The following CSMD1 variants were observed in gnomAD, a reference collection of about 807,000 sequenced individuals.
CSMD1 encodes the protein CUB and Sushi multiple domains 1.
In CSMD1, 213 loss-of-function variants were observed where a neutral mutation model predicts 417.5. The observed-to-expected ratio is 0.51, with a 90% CI of 0.46 to 0.57. The LOEUF is 0.57. Ranked by LOEUF, CSMD1 falls within the 20% of genes least tolerant of loss-of-function variation. The pLI is 0.00. For missense variants in CSMD1, 6,923 were observed against 4,529.7 expected (o/e 1.53, Z -15.17); for synonymous variants, 2,862 against 1,736.8 (o/e 1.65, Z -16.11).
chr8:4,661,338 A>G (rs1329647694), intron 1 of CSMD1, among the ~76,000 whole-genome samples: 1 of 152,222 alleles, frequency 6.6e-6, no homozygotes, highest in Non-Finnish European at 1.5e-5. Context: ...TACATGCCAT[A>G]TACTGGATAC....
At chr8:4,277,488 T>C (rs907944655) in intron 3 of CSMD1, among the ~76,000 whole-genome samples, 34 of 152,182 alleles carry the variant, frequency 2.2e-4, no homozygotes, top group African/African-American at 8.0e-4. Flanking sequence ...TAAAAAAGCA[T>C]ATTCTCATTG....
intron 1 of CSMD1, among the ~76,000 whole-genome samples, chr8:4,837,096 G>A (rs1800540028): frequency 6.6e-6 from 1 of 151,734 alleles, no homozygotes; most frequent in Admixed American, 6.6e-5. Flanking sequence ...ATTAATGAGG[G>A]CTTCACTAAG....
chr8:3,951,671 A>C (rs368177062), intron 5 of CSMD1, among the ~76,000 whole-genome samples: 5 of 152,354 alleles, frequency 3.3e-5, no homozygotes, highest in East Asian at 1.9e-4. Context: ...ATTAAAAAAT[A>C]AACATTTGCA....
intron 1 of CSMD1, among the ~76,000 whole-genome samples, chr8:4,666,851 T>C (rs1804968254): frequency 6.6e-6 from 1 of 152,182 alleles, no homozygotes; most frequent in Admixed American, 6.5e-5. Context: ...TTTATAATTT[T>C]GATGAAGTCT....
At chr8:4,286,142 C>T (rs777291245) in intron 3 of CSMD1, among the ~76,000 whole-genome samples, 4 of 152,006 alleles carry the variant, frequency 2.6e-5, no homozygotes, top group African/African-American at 9.7e-5. Flanking sequence ...AACGTTTTTA[C>T]GTTCTTTCTG....
chr8:4,404,666 T>C lies in CSMD1; in HGVS notation c.415+15287A>G, dbSNP rs370556571. Among the ~76,000 whole-genome samples, 12 of 152,206 alleles carry C rather than the reference T, an allele frequency of 7.9e-5. No homozygotes were observed. The South Asian group carries it at 2.1e-3, about 26-fold the overall frequency. Reference sequence around the variant, plus strand: ...ATATTAAATCCATTAATATTTATCTTACACTATATTAAACTTATGTTTATA... The same window carrying C: ...ATATTAAATCCATTAATATTTATCTCACACTATATTAAACTTATGTTTATA... On this transcript the variant is annotated intron_variant, in intron 3 of 69. Transcript: ENST00000635120.
intron 8 of CSMD1, among the ~76,000 whole-genome samples, chr8:3,595,273 G>C (rs1209800145): frequency 1.3e-5 from 2 of 152,170 alleles, no homozygotes; most frequent in African/African-American, 4.8e-5. Context: ...GTCCCATTGT[G>C]TGACTTGCTC....
At chr8:3,445,990 G>T (rs1168076274) in intron 12 of CSMD1, among the ~76,000 whole-genome samples, 1 of 152,110 alleles carries the variant, frequency 6.6e-6, no homozygotes, top group Non-Finnish European at 1.5e-5. Context: ...GAGGGAGAAG[G>T]GAATGTAATG....
chr8:4,947,983 A>G (rs1275696842), intron 1 of CSMD1, among the ~76,000 whole-genome samples: 1 of 152,054 alleles, frequency 6.6e-6, no homozygotes, highest in Non-Finnish European at 1.5e-5. Context: ...CCATAAAAAA[A>G]TCTGCTGTAT....
At chr8:4,540,273 T>C (rs1797314723) in intron 2 of CSMD1, among the ~76,000 whole-genome samples, 1 of 152,122 alleles carries the variant, frequency 6.6e-6, no homozygotes, top group South Asian at 2.1e-4. Flanking sequence ...TAAGGAAAGA[T>C]TTCTGCCCAT....
intron 5 of CSMD1, among the ~76,000 whole-genome samples, chr8:3,823,558 T>A (rs1020416199): frequency 3.3e-5 from 5 of 152,082 alleles, no homozygotes; most frequent in East Asian, 1.9e-4. Context: ...AAATAAAAAA[T>A]TTACAATTAT....
At chr8:3,742,176 T>C (rs1310788179) in intron 6 of CSMD1, among the ~76,000 whole-genome samples, 1 of 152,162 alleles carries the variant, frequency 6.6e-6, no homozygotes, top group East Asian at 1.9e-4. Context: ...GTGAGTCTTC[T>C]ATAGCCCACC....
intron 1 of CSMD1, among the ~76,000 whole-genome samples, chr8:4,836,254 A>G (rs1800483756): frequency 1.3e-5 from 2 of 152,210 alleles, no homozygotes; most frequent in African/African-American, 4.8e-5. Flanking sequence ...CTCATTTTTC[A>G]AATTATAACG....
chr8:4,564,218 C>A (rs574955900), intron 2 of CSMD1, among the ~76,000 whole-genome samples: 1 of 152,180 alleles, frequency 6.6e-6, no homozygotes, highest in Non-Finnish European at 1.5e-5. Flanking sequence ...TTCCCCTGGA[C>A]ATGCACAAGG....
At chr8:4,122,432 C>A (rs113431679) in intron 3 of CSMD1, among the ~76,000 whole-genome samples, 1 of 152,170 alleles carries the variant, frequency 6.6e-6, no homozygotes, top group Non-Finnish European at 1.5e-5. Flanking sequence ...AAACCTCTGA[C>A]GCAGTTAGCA....
At chr8:4,252,131 A>C (rs1367577382) in intron 3 of CSMD1, among the ~76,000 whole-genome samples, 1 of 152,156 alleles carries the variant, frequency 6.6e-6, no homozygotes, top group East Asian at 1.9e-4. Context: ...GAAACACACA[A>C]TTTCAGTTTT....
intron 3 of CSMD1, among the ~76,000 whole-genome samples, chr8:4,096,922 G>A (rs192823318): frequency 1.1e-4 from 17 of 152,290 alleles, no homozygotes; most frequent in Admixed American, 1.0e-3. Context: ...CATAATTGCA[G>A]AGCAAACACC....
chr8:4,697,236 C>G (rs1012865302), intron 1 of CSMD1, among the ~76,000 whole-genome samples: 3 of 152,022 alleles, frequency 2.0e-5, no homozygotes, highest in African/African-American at 7.2e-5. Context: ...GATTCTAGAA[C>G]AGAACCTTGC....
chr8:3,183,820 T>C (rs1171857886), intron 36 of CSMD1, among the ~76,000 whole-genome samples: 1 of 152,208 alleles, frequency 6.6e-6, no homozygotes, highest in African/African-American at 2.4e-5. Flanking sequence ...ATTCTAAATA[T>C]TTTCCCAAAT....
Sources: gnomAD v4.1 joint callset for allele counts (sites outside exome capture counted in the v4.1 genomes callset) on GRCh38, gnomAD v4.1.1 for gene constraint, MANE v1.5 for transcripts, NCBI Gene and HGNC (gene_info 2026-07-23, HGNC 2026-07-21) for gene names.